ANXA8: variants seen among roughly 807,000 people sequenced by gnomAD.
The protein encoded by ANXA8 is annexin A8.
ANXA8 carries 9 observed loss-of-function variants against 26.8 expected under a neutral mutation model. That is an observed-to-expected ratio of 0.34 (90% confidence interval 0.20 to 0.59). ANXA8 has a LOEUF of 0.59. Ranked by LOEUF, ANXA8 falls within the 20% of genes least tolerant of loss-of-function variation. The probability of loss-of-function intolerance (pLI) is 0.84; values close to 1 mark genes in which losing one functional copy is unlikely to be tolerated. For missense variants in ANXA8, 83 were observed against 238.5 expected, an observed-to-expected ratio of 0.35 and a Z score of 4.29; for synonymous variants, 39 against 94.8, an observed-to-expected ratio of 0.41 and a Z score of 3.42.
chr10:47,721,033 G>A, the ANXA8 span, among the ~76,000 whole-genome samples: 1 of 139,392 alleles, frequency 7.2e-6, no homozygotes. Context: ...TGTAGTCCCA[G>A]CTACTTGGGA....
chr10:47,643,477 C>T, the ANXA8 span, among the ~76,000 whole-genome samples: 7 of 147,252 alleles, frequency 4.8e-5, no homozygotes, highest in Admixed American at 6.6e-5. Flanking sequence ...TGCAGTGAGC[C>T]GAGATCACAC....
At chr10:47,510,785 G>A in the ANXA8 span, among the ~76,000 whole-genome samples, 3 of 101,700 alleles carry the variant, frequency 2.9e-5, 1 homozygote, top group Admixed American at 1.0e-4. Flanking sequence ...AGCCGAGTTC[G>A]CGCCACTGCA....
the ANXA8 span, among the ~76,000 whole-genome samples, chr10:47,572,955 C>T: frequency 1.3e-4 from 20 of 150,216 alleles, no homozygotes; most frequent in African/African-American, 4.9e-4. Context: ...GTGCTTCAGA[C>T]TTGCCACTTG....
the ANXA8 span, among the ~76,000 whole-genome samples, chr10:47,702,889 C>A: frequency 1.3e-5 from 2 of 150,024 alleles, no homozygotes; most frequent in African/African-American, 4.9e-5. Context: ...CCATCTTGGC[C>A]TCCCAAAATG....
the ANXA8 span, among the ~76,000 whole-genome samples, chr10:47,495,857 G>A: frequency 8.6e-5 from 13 of 151,180 alleles, no homozygotes; most frequent in East Asian, 3.9e-4. Context: ...AATCTTCACT[G>A]TTGCCAGCAA....
At chr10:47,633,675 C>A in the ANXA8 span, among the ~76,000 whole-genome samples, 1 of 126,144 alleles carries the variant, frequency 7.9e-6, no homozygotes, top group Non-Finnish European at 1.6e-5. Flanking sequence ...TATTATAGTC[C>A]TAAATCAAAT....
the ANXA8 span, among the ~76,000 whole-genome samples, chr10:47,581,847 C>T: frequency 1.4e-4 from 21 of 150,668 alleles, no homozygotes; most frequent in Non-Finnish European, 2.8e-4. Flanking sequence ...CTTTGTGATC[C>T]GCCTGCCTTG....
chr10:47,949,003 TGA>T, the ANXA8 span, among the ~76,000 whole-genome samples: 1 of 139,406 alleles, frequency 7.2e-6, no homozygotes, highest in Non-Finnish European at 1.5e-5. Flanking sequence ...CAGCTTTTTA[TGA>T]GTCTTGAGCC....
the ANXA8 span, among the ~76,000 whole-genome samples, chr10:47,763,790 T>G: frequency 1.6e-4 from 17 of 106,962 alleles, no homozygotes; most frequent in African/African-American, 4.2e-4. Context: ...AGTGTGTGTG[T>G]GGGGGGGGGA....
At chr10:47,733,203 T>TTC in the ANXA8 span, among the ~76,000 whole-genome samples, 2 of 107,730 alleles carry the variant, frequency 1.9e-5, no homozygotes, top group African/African-American at 6.5e-5. Flanking sequence ...CTTTCTTTCT[T>TTC]TCTTTCTTTC....
rs1197424341 is a variant in ANXA8 at position 47,474,956 on chromosome 10, G to C, written c.541C>G (p.Gln181Glu). Residue 181 changes from glutamine to glutamate, a missense_variant, in exon 7 of 12, where the codon CAA becomes GAA. Gln to Glu is a conservative substitution (Grantham distance 29, BLOSUM62 2). Around this residue, in one of 6 missense-constraint regions of ANXA8, gnomAD observed 24 missense variants for 30.6 expected, o/e 0.78. Transcript: ENST00000585281. ...SSFVDPGLAL[Q>E]DAQDLYAAGE... ...GGGCGCAGCCTCACCTGTGCGTCTTGGAGGGCCAGTCCTGGGTCCACAAAG... is the reference window on the plus strand; with the variant it reads ...GGGCGCAGCCTCACCTGTGCGTCTTCGAGGGCCAGTCCTGGGTCCACAAAG... 1 of 1,530,752 alleles carries C rather than the reference G, an allele frequency of 6.5e-7. No individual in the cohort carries two copies. Among genetic ancestry groups the C allele is most frequent in the Non-Finnish European group, 8.8e-7 (1 of 1,132,130 alleles). The allele number at this position is 1,530,752 out of a possible 1,614,324, so 94.8% of individuals were successfully genotyped here.
At chr10:47,739,934 C>A in the ANXA8 span, among the ~76,000 whole-genome samples, 2 of 102,584 alleles carry the variant, frequency 1.9e-5, no homozygotes, top group Non-Finnish European at 2.0e-5. Context: ...CTCTATAAAA[C>A]ACTAAAAAAA....
upstream of ANXA8, chr10:47,484,210 G>T: frequency 1.3e-6 from 1 of 742,302 alleles, no homozygotes; most frequent in Non-Finnish European, 2.4e-6. Flanking sequence ...GCAGATATTT[G>T]GGCTGTGGCT....
chr10:47,669,142 T>A, the ANXA8 span, among the ~76,000 whole-genome samples: 1 of 151,892 alleles, frequency 6.6e-6, no homozygotes, highest in Admixed American at 6.5e-5. Context: ...TCTAGAATTT[T>A]GCCTTGGTGG....
At chr10:47,695,628 G>C in the ANXA8 span, among the ~76,000 whole-genome samples, 2 of 151,482 alleles carry the variant, frequency 1.3e-5, no homozygotes, top group Non-Finnish European at 2.9e-5. Flanking sequence ...GTAATCACTT[G>C]GAATTTATAC....
chr10:47,968,474 C>A, the ANXA8 span, among the ~76,000 whole-genome samples: 1 of 141,278 alleles, frequency 7.1e-6, no homozygotes, highest in African/African-American at 2.5e-5. Flanking sequence ...CCATTACAGC[C>A]ATCCCCACTG....
the ANXA8 span, among the ~76,000 whole-genome samples, chr10:47,653,269 G>A: frequency 8.0e-5 from 12 of 149,552 alleles, no homozygotes; most frequent in East Asian, 5.8e-4. Flanking sequence ...CCGAGACTGC[G>A]CCACTGCACT....
chr10:47,894,995 C>T, the ANXA8 span, among the ~76,000 whole-genome samples: 3 of 150,942 alleles, frequency 2.0e-5, no homozygotes, highest in African/African-American at 7.3e-5. Context: ...CTACATAATA[C>T]GTCACACATA....
chr10:47,692,707 A>T, the ANXA8 span: 1 of 135,726 alleles, frequency 7.4e-6, no homozygotes, highest in Non-Finnish European at 1.6e-5. Flanking sequence ...GACTACAGGC[A>T]CGCATGCCGC....
Sources: allele counts gnomAD v4.1 joint callset (sites outside exome capture counted in the v4.1 genomes callset), GRCh38; gene constraint gnomAD v4.1.1; regional missense constraint gnomAD v4.1.1; transcripts MANE v1.5; gene names NCBI Gene and HGNC (gene_info 2026-07-23, HGNC 2026-07-21).